Variants in ZBTB34 observed in about 807,000 individuals in gnomAD.
ZBTB34 encodes the protein zinc finger and BTB domain containing 34, also known as zinc finger and BTB domain-containing protein 34.
In ZBTB34, 1 loss-of-function variant was observed where a neutral mutation model predicts 33.4. The ratio of observed to expected loss-of-function variants is 0.03; its 90% CI spans 0.01 to 0.14. The LOEUF (loss-of-function observed/expected upper bound fraction) is 0.14. Among genes scored for constraint, ZBTB34 ranks in the 10% least tolerant of loss-of-function variants. The probability of loss-of-function intolerance (pLI) is 1.00; values close to 1 mark genes in which losing one functional copy is unlikely to be tolerated. For missense variants in ZBTB34, 406 were observed against 657.2 expected, an observed-to-expected ratio of 0.62 and a Z score of 4.18; for synonymous variants, 283 against 253.5, an observed-to-expected ratio of 1.12 and a Z score of -1.11.
Position 126,880,282 on chromosome 9 carries a change from C to A in ZBTB34, c.883C>A (p.Gln295Lys), listed in dbSNP as rs2033418479. 1.2e-6 allele frequency: 2 copies of A among 1,613,874 alleles called. No individual in the cohort carries two copies. The highest frequency in any genetic ancestry group is 1.7e-6 in the Non-Finnish European group (2 of 1,179,914). ...ATACTCCTATTCCCAAGCAGCCTCA[C>A]AGCCAACCAATGTATCAGAAGCTTT... Residue 295 changes from glutamine to lysine, a missense_variant, in exon 2 of 2, where the codon CAG (glutamine) becomes AAG (lysine). Physicochemically the swap from Gln to Lys is moderately conservative, Grantham distance 53 (BLOSUM62 1). Coordinates refer to ENST00000319119, the Ensembl canonical transcript of ZBTB34. This position sits in a 1 kb window ranked among gnomAD's most constrained non-coding sequence, Gnocchi z 6.7.
intron 1 of ZBTB34, among the ~76,000 whole-genome samples, chr9:126,875,278 T>TA (rs1441746257): frequency 6.6e-6 from 1 of 152,214 alleles, no homozygotes; most frequent in African/African-American, 2.4e-5. Flanking sequence ...TTTTAACTTT[T>TA]AAAAAATGTA....
intron 1 of ZBTB34, among the ~76,000 whole-genome samples, chr9:126,871,181 G>T (rs986598732): frequency 8.7e-5 from 11 of 126,786 alleles, no homozygotes; most frequent in African/African-American, 2.9e-4. Context: ...TAAGTGAGGG[G>T]GGTGTGTGTG....
chr9:126,875,595 G>A (rs1287616374), intron 1 of ZBTB34, among the ~76,000 whole-genome samples: 1 of 151,884 alleles, frequency 6.6e-6, no homozygotes, highest in African/African-American at 2.4e-5. Flanking sequence ...GGTTCCTGTT[G>A]CTATATTGTT....
chr9:126,874,574 CA>C (rs2033329836), intron 1 of ZBTB34, among the ~76,000 whole-genome samples: 1 of 152,146 alleles, frequency 6.6e-6, no homozygotes, highest in Admixed American at 6.5e-5. Context: ...ATTCTCTAAG[CA>C]GCATCTATTT....
chr9:126,865,711 G>T (rs950987869), intron 1 of ZBTB34, among the ~76,000 whole-genome samples: 1 of 152,200 alleles, frequency 6.6e-6, no homozygotes, highest in African/African-American at 2.4e-5. Context: ...GGGGCCGGGC[G>T]CAGTAGCTCA....
chr9:126,881,636 A>G (rs888315840), exon 2 of ZBTB34: 4 of 167,094 alleles, frequency 2.4e-5, no homozygotes, highest in Non-Finnish European at 4.4e-5. Context: ...TAACAAATAC[A>G]TAAACCAAAT....
intron 1 of ZBTB34, among the ~76,000 whole-genome samples, chr9:126,868,197 T>G (rs1377760886): frequency 6.6e-6 from 1 of 152,062 alleles, no homozygotes; most frequent in Non-Finnish European, 1.5e-5. Flanking sequence ...CTCCCTTGTG[T>G]GTTGTTGCAG....
exon 2 of ZBTB34, chr9:126,883,549 A>G (rs1355834708): frequency 6.0e-6 from 1 of 167,126 alleles, no homozygotes; most frequent in Non-Finnish European, 1.5e-5. Flanking sequence ...CTTTGATTGT[A>G]CAGTTCAGGT....
In ZBTB34 at chr9:126,878,241, G is replaced by A. The variant is rs183878324; in HGVS notation, c.-10-1149G>A. On this transcript the variant is annotated intron_variant, in intron 1 of 1. Coordinates refer to ENST00000319119, the Ensembl canonical transcript of ZBTB34. Reference sequence around the variant, plus strand: ...TCCCAGGACTTTGGGAGGCCGAGGGGAGCAGATCACCTGAGGTCAGGAGTT... The same window carrying A: ...TCCCAGGACTTTGGGAGGCCGAGGGAAGCAGATCACCTGAGGTCAGGAGTT... 1.3e-3 allele frequency among the ~76,000 whole-genome samples: 194 copies of A among 149,916 alleles called. 1 individual carries two copies. Among genetic ancestry groups the A allele is most frequent in the African/African-American group, 4.6e-3 (186 of 40,828 alleles).
chr9:126,872,279 C>T (rs759555194), intron 1 of ZBTB34, among the ~76,000 whole-genome samples: 6 of 152,084 alleles, frequency 3.9e-5, no homozygotes, highest in East Asian at 1.9e-4. Context: ...AAGCTGGGCA[C>T]GGTGGTGCGT....
Position 126,872,054 on chromosome 9 carries a change from A to G in ZBTB34, c.-10-7336A>G, listed in dbSNP as rs552766603. 1.7e-4 allele frequency among the ~76,000 whole-genome samples: 26 copies of G among 152,004 alleles called. No homozygotes were observed. The South Asian group carries it at 4.8e-3, about 28-fold the overall frequency. On this transcript the variant is annotated intron_variant, in intron 1 of 1. Coordinates refer to ENST00000319119, the Ensembl canonical transcript of ZBTB34. ...CTGCAACTTCCGCCTCCCGGGTTCA[A>G]GCGATACTCAGCCTCCCGAGTAGCT...
At chr9:126,874,327 G>A (rs1442053423) in intron 1 of ZBTB34, among the ~76,000 whole-genome samples, 1 of 151,856 alleles carries the variant, frequency 6.6e-6, no homozygotes, top group East Asian at 1.9e-4. Flanking sequence ...TGGGATTACA[G>A]GCGTGAGCCA....
chr9:126,875,569 C>T lies in ZBTB34; in HGVS notation c.-10-3821C>T, dbSNP rs146881151. Among the ~76,000 whole-genome samples, 18 of 152,166 alleles carry T rather than the reference C, an allele frequency of 1.2e-4. No homozygotes were observed. In the East Asian group the frequency reaches 3.5e-3, roughly 29 times the overall value. On this transcript the variant is annotated intron_variant, in intron 1 of 1. Transcript: ENST00000319119. The stretch of plus-strand genomic sequence containing the variant: ...CCTGTTTTTTGCTTATCTTCCCCCA[C>T]CCCTAGGTATTTTCTGGTTCCTGTT...
Position 126,880,817 on chromosome 9 carries a change from T to C in ZBTB34, c.1418T>C (p.Val473Ala), listed in dbSNP as rs2033429245. 2 of 1,611,852 alleles carry C rather than the reference T, an allele frequency of 1.2e-6. No individual in the cohort carries two copies. Among genetic ancestry groups the C allele is most frequent in the Non-Finnish European group, 1.7e-6 (2 of 1,179,352 alleles). ...ATTGAGTCCCCCGAGAGAACAGATG[T>C]GTACGTGGAACAGAAACTAGAAAAT... is the stretch of plus-strand genomic sequence containing the variant. The change falls in exon 2 of 2, where the codon GTG becomes GCG. Residue 473 changes from valine (V) to alanine (A), a missense_variant. Physicochemically the swap from Val to Ala is moderately conservative, Grantham distance 64. Transcript: ENST00000319119. This position sits in a 1 kb window ranked among gnomAD's most constrained non-coding sequence, Gnocchi z 6.7.
At chr9:126,884,929 C>A (rs1340675318) in exon 2 of ZBTB34, 1 of 167,064 alleles carries the variant, frequency 6.0e-6, no homozygotes, top group East Asian at 1.9e-4. Flanking sequence ...AAACTATTTT[C>A]CAAGGGCACA....
At chr9:126,860,881 G>T (rs1352155342) in intron 1 of ZBTB34, 142 bp downstream of exon 1, 1 of 149,072 alleles carries the variant, frequency 6.7e-6, no homozygotes, top group Admixed American at 6.7e-5. Context: ...CGCCTGGTCA[G>T]TCCCGCGGGC....
At chr9:126,871,103 T>C (rs956916254) in intron 1 of ZBTB34, among the ~76,000 whole-genome samples, 27 of 151,818 alleles carry the variant, frequency 1.8e-4, no homozygotes, top group African/African-American at 6.5e-4. Context: ...TCAACTGAAA[T>C]GAAAAATTTA....
At chr9:126,872,660 G>T (rs2033296562) in intron 1 of ZBTB34, among the ~76,000 whole-genome samples, 1 of 151,938 alleles carries the variant, frequency 6.6e-6, no homozygotes, top group Non-Finnish European at 1.5e-5. Flanking sequence ...GATCGATGAT[G>T]AGTTTCTCTT....
chr9:126,861,340 G>C (rs531606325), intron 1 of ZBTB34, among the ~76,000 whole-genome samples: 184 of 152,322 alleles, frequency 1.2e-3, no homozygotes, highest in Middle Eastern at 6.8e-3. Context: ...GGGGCTGACC[G>C]GGGTTGTAAA....
Sources: allele counts gnomAD v4.1 joint callset (sites outside exome capture counted in the v4.1 genomes callset), GRCh38; gene constraint gnomAD v4.1.1; non-coding constraint Gnocchi (gnomAD v3.1); transcripts MANE v1.5; gene names NCBI Gene and HGNC (gene_info 2026-07-23, HGNC 2026-07-21).